SRPRB: variants seen among roughly 807,000 people sequenced by gnomAD.
The protein encoded by SRPRB is SRP receptor subunit beta.
Under a neutral mutation model 31.9 loss-of-function variants are expected in SRPRB, and 20 were observed. The observed-to-expected ratio is 0.63, with a 90% CI of 0.44 to 0.91. SRPRB has a LOEUF of 0.91. Among genes scored for constraint, SRPRB ranks in the 40% least tolerant of loss-of-function variants. SRPRB has a pLI of 0.00. For missense variants in SRPRB, 321 were observed against 324.9 expected, an observed-to-expected ratio of 0.99 and a Z score of 0.09; for synonymous variants, 146 against 132.8, an observed-to-expected ratio of 1.10 and a Z score of -0.68.
chr3:133,805,875 G>A lies in SRPRB; in HGVS notation c.27G>A (p.Val9=), dbSNP rs754027304. 41 of 1,612,360 alleles carry A rather than the reference G, an allele frequency of 2.5e-5. No individual in the cohort carries two copies. The highest frequency in any genetic ancestry group is 3.4e-5 in the Non-Finnish European group (40 of 1,179,332). The change falls in exon 1 of 7, where the codon GTG becomes GTA. Residue 9 remains valine (V), a synonymous_variant. Coordinates refer to ENST00000678299, the MANE Select transcript of SRPRB (RefSeq NM_001379313.1). MASADSRR[V]ADGGGAGGTF... ...TGGCTTCCGCGGACTCGCGCCGGGTGGCAGATGGCGGCGGTGCCGGGGGCA... is the reference window on the plus strand; with the variant it reads ...TGGCTTCCGCGGACTCGCGCCGGGTAGCAGATGGCGGCGGTGCCGGGGGCA...
At chr3:133,814,692 G>GC (rs773376759) in intron 4 of SRPRB, among the ~76,000 whole-genome samples, 2 of 152,058 alleles carry the variant, frequency 1.3e-5, no homozygotes, top group South Asian at 4.2e-4. Context: ...GCCTGTCTCG[G>GC]CCCCCCAAAG....
At chr3:133,803,972 T>C (rs370500186), upstream of SRPRB, among the ~76,000 whole-genome samples, 170 of 150,466 alleles carry the variant, frequency 1.1e-3, 2 homozygotes, top group African/African-American at 3.9e-3. Context: ...GGCAGGCGCC[T>C]GTAGTCCCAG....
At chr3:133,789,231 A>G (rs1279345855) in intron 1 of SRPRB, 3 of 152,322 alleles carry the variant, frequency 2.0e-5, no homozygotes, top group Non-Finnish European at 2.9e-5. Flanking sequence ...TTTGGCCCCA[A>G]TATGGTTTGG....
upstream of SRPRB, among the ~76,000 whole-genome samples, chr3:133,801,591 G>C (rs1278787939): frequency 2.0e-5 from 3 of 152,174 alleles, no homozygotes; most frequent in African/African-American, 7.2e-5. Context: ...AGCGAGTTAA[G>C]ACAGTTACGG....
chr3:133,806,055 T>C, intron 1 of SRPRB, 53 bp downstream of exon 1: 3 of 1,585,412 alleles, frequency 1.9e-6, no homozygotes, highest in Admixed American at 1.8e-5. Flanking sequence ...AGGTCCGGGC[T>C]TTGGCTGCAC....
At chr3:133,810,215 G>A (rs1346972729) in intron 3 of SRPRB, 1 of 152,150 alleles carries the variant, frequency 6.6e-6, no homozygotes, top group Non-Finnish European at 1.5e-5. Context: ...GAAATGCACA[G>A]GCTATGTGAA....
chr3:133,808,763 C>T (rs569575570), intron 3 of SRPRB, among the ~76,000 whole-genome samples: 11 of 150,626 alleles, frequency 7.3e-5, no homozygotes, highest in African/African-American at 1.2e-4. Flanking sequence ...TGGTGGTGGG[C>T]GCCTGTAACC....
chr3:133,800,027 G>A (rs1326208461), intron 1 of SRPRB, among the ~76,000 whole-genome samples: 1 of 152,200 alleles, frequency 6.6e-6, no homozygotes, highest in African/African-American at 2.4e-5. Flanking sequence ...TCTTCCCCCA[G>A]GGACGAACCT....
At chr3:133,819,528 T>C (rs1047284195) in intron 6 of SRPRB, 25 bp from the exon 7 acceptor site, 5 of 1,599,332 alleles carry the variant, frequency 3.1e-6, no homozygotes, top group Admixed American at 3.4e-5. Flanking sequence ...TTTTGCCTCC[T>C]GACTTCTTTC....
intron 1 of SRPRB, chr3:133,785,172 G>A (rs1934632608): frequency 9.3e-6 from 1 of 106,970 alleles, no homozygotes; most frequent in Non-Finnish European, 2.0e-5. Context: ...GGAGGGAGGT[G>A]GGGGGGTCAG....
chr3:133,797,576 G>T (rs1934995870), intron 1 of SRPRB, among the ~76,000 whole-genome samples: 1 of 152,208 alleles, frequency 6.6e-6, no homozygotes, highest in South Asian at 2.1e-4. Flanking sequence ...ATTTCCTAGG[G>T]ATGGTTGCAT....
At chr3:133,790,353 T>C (rs749192653) in intron 1 of SRPRB, 2 of 152,226 alleles carry the variant, frequency 1.3e-5, no homozygotes, top group African/African-American at 2.4e-5. Flanking sequence ...ATAAGAATTC[T>C]AGTTAACACA....
At chr3:133,800,004 A>G (rs550571408) in intron 1 of SRPRB, among the ~76,000 whole-genome samples, 117 of 152,344 alleles carry the variant, frequency 7.7e-4, no homozygotes, top group African/African-American at 2.4e-3. Flanking sequence ...GCTGTGGCTG[A>G]CATCATCTTC....
chr3:133,803,283 G>C (rs1380422563), upstream of SRPRB, among the ~76,000 whole-genome samples: 1 of 152,050 alleles, frequency 6.6e-6, no homozygotes, highest in Non-Finnish European at 1.5e-5. Context: ...GCCGAGAAGC[G>C]ATCCCCAAAT....
intron 1 of SRPRB, chr3:133,792,810 A>G (rs1934873478): frequency 6.6e-6 from 1 of 152,192 alleles, no homozygotes; most frequent in African/African-American, 2.4e-5. Flanking sequence ...ATAAAAATTA[A>G]TATTGTAAAA....
At chr3:133,793,449 T>C (rs1576376059) in intron 1 of SRPRB, 1 of 152,136 alleles carries the variant, frequency 6.6e-6, no homozygotes, top group Non-Finnish European at 1.5e-5. Flanking sequence ...AAAAGAGAGG[T>C]AAACAGAATT....
chr3:133,805,037 G>A (rs1307782087), upstream of SRPRB, among the ~76,000 whole-genome samples: 2 of 152,112 alleles, frequency 1.3e-5, no homozygotes, highest in African/African-American at 2.4e-5. Flanking sequence ...TGCCTTTATT[G>A]CTTCTCTTGA....
intron 2 of SRPRB, 98 bp from the exon 3 acceptor site, chr3:133,807,648 A>C: frequency 1.2e-6 from 1 of 803,302 alleles, no homozygotes; most frequent in Non-Finnish European, 2.1e-6. Flanking sequence ...AGCAGCATTC[A>C]TTTACTTAAC....
intron 1 of SRPRB, chr3:133,794,945 G>T (rs76456178): frequency 1.9e-4 from 29 of 152,244 alleles, no homozygotes; most frequent in African/African-American, 6.7e-4. Context: ...CCAGCTTTAG[G>T]TCCTTTTTCC....
Sources: gnomAD v4.1 joint callset for allele counts (sites outside exome capture counted in the v4.1 genomes callset) on GRCh38, gnomAD v4.1.1 for gene constraint, MANE v1.5 for transcripts, NCBI Gene and HGNC (gene_info 2026-07-23, HGNC 2026-07-21) for gene names.